Variants in STYX observed in about 807,000 individuals in gnomAD.
The protein encoded by STYX is serine/threonine/tyrosine interacting protein.
STYX carries 20 observed loss-of-function variants against 42.7 expected under a neutral mutation model. The ratio of observed to expected loss-of-function variants is 0.47; its 90% CI spans 0.33 to 0.68. The LOEUF is 0.68. STYX is among the 30% of genes least tolerant of loss of function. STYX has a pLI of 0.02. For synonymous variants in STYX, 78 were observed against 81.9 expected (o/e 0.95, Z 0.26); for missense variants, 226 against 268.5 (o/e 0.84, Z 1.11).
At chr14:52,732,086 T>G (rs573763697) in intron 1 of STYX, among the ~76,000 whole-genome samples, 1 of 130,492 alleles carries the variant, frequency 7.7e-6, no homozygotes, top group Non-Finnish European at 1.6e-5. Context: ...AAGAATATAC[T>G]CATGGTTTTT....
chr14:52,730,674 G>A, intron 1 of STYX, 143 bp downstream of exon 1: 2 of 862,672 alleles, frequency 2.3e-6, no homozygotes, highest in Non-Finnish European at 3.5e-6. Context: ...GAAGCCGAGC[G>A]GTCGGCTCCA....
chr14:52,760,853 A>C (rs58317443), intron 9 of STYX, among the ~76,000 whole-genome samples: 1 of 151,552 alleles, frequency 6.6e-6, no homozygotes, highest in Non-Finnish European at 1.5e-5. Flanking sequence ...TAGGTTAGGT[A>C]TTTCGATACA....
intron 4 of STYX, 31 bp from the exon 5 acceptor site, chr14:52,756,520 G>A (rs1881872622): frequency 7.7e-7 from 1 of 1,299,502 alleles, no homozygotes; most frequent in Non-Finnish European, 1.1e-6. Flanking sequence ...TTTACTTAAA[G>A]TGTGCTTATC....
rs561480546 is a variant in STYX at position 52,761,820 on chromosome 14, G to A, written c.504+2066G>A. Among the ~76,000 whole-genome samples, 220 of 151,360 alleles carry A rather than the reference G, an allele frequency of 1.5e-3. 1 individual carries two copies. The highest frequency in any genetic ancestry group is 5.2e-3 in the African/African-American group (215 of 41,410). On this transcript the variant is annotated intron_variant, in intron 9 of 10. Transcript: ENST00000354586. The stretch of plus-strand genomic sequence containing the variant: ...AACACTTTGGGAGGCTGAGGTGGGT[G>A]GATCACCTGAGATCAGGAGTTTGAG...
chr14:52,753,047 A>ATT lies in STYX; in HGVS notation c.242+2288_242+2289dup, dbSNP rs959737468. ...AGGCATGTGCCACCACACCCAGCTAATTTTTTTTTTTTTTTTTTTTTTGGA... is the reference window on the plus strand; with the variant it reads ...AGGCATGTGCCACCACACCCAGCTAATTTTTTTTTTTTTTTTTTTTTTTTGGA... On this transcript the variant is annotated intron_variant, in intron 4 of 10. Coordinates refer to ENST00000354586, the MANE Select transcript of STYX (RefSeq NM_145251.4). 6.7e-3 allele frequency among the ~76,000 whole-genome samples: 592 copies of ATT among 88,588 alleles called. 2 individuals carry two copies. Among genetic ancestry groups the ATT allele is most frequent in the East Asian group, 0.012 (39 of 3,274 alleles). 58.1% of individuals were successfully genotyped at this position (88,588 alleles called of 152,430 possible). A position where few individuals can be genotyped will look rare whatever the true frequency, so the allele number is the denominator to read the frequency against.
In STYX at chr14:52,771,196, G is replaced by T; in HGVS notation, c.*90G>T. 7.9e-7 allele frequency: 1 copy of T among 1,271,728 alleles called. No individual in the cohort carries two copies. The highest frequency in any genetic ancestry group is 1.1e-6 in the Non-Finnish European group (1 of 916,712). The allele number at this position is 1,271,728 out of a possible 1,614,324, so 78.8% of individuals were successfully genotyped here. ...ATAATGTAAAATGGTAAAAACATAA[G>T]TAGTTTTTTTTTCAATTACATGTTG... is the stretch of plus-strand genomic sequence containing the variant. On this transcript the variant is annotated 3_prime_UTR_variant, in exon 11 of 11. Coordinates refer to ENST00000354586, the MANE Select transcript of STYX (RefSeq NM_145251.4).
rs1882315593 is a variant in STYX, at chr14:52,766,742, G to GTTTCTT, written c.505-2088_505-2083dup. ...GTGTATTTACCCTTTTGGTTGTTCT[G>GTTTCTT]TTTCTTTTTCTTTTTAGTATACCCC... is the stretch of plus-strand genomic sequence containing the variant. On this transcript the variant is annotated intron_variant, in intron 9 of 10. Coordinates refer to ENST00000354586, the MANE Select transcript of STYX (RefSeq NM_145251.4). Among the ~76,000 whole-genome samples, 3 of 151,362 alleles carry GTTTCTT rather than the reference G, an allele frequency of 2.0e-5. No homozygotes were observed. The South Asian group carries it at 6.2e-4, about 32-fold the overall frequency.
Position 52,771,110 on chromosome 14 carries a change from G to A in STYX, c.*4G>A, listed in dbSNP as rs758462659. On this transcript the variant is annotated 3_prime_UTR_variant, in exon 11 of 11. Transcript: ENST00000354586. ...GGCGACTGCACAGAATGGCTGACTT[G>A]AAGAGCAACATCATAGAGTGTGAAT... 21 of 1,607,838 alleles carry A rather than the reference G, an allele frequency of 1.3e-5. No homozygotes were observed. In the East Asian group the frequency reaches 4.7e-4, roughly 36 times the overall value.
At chr14:52,751,636 T>C (rs1348644868) in intron 4 of STYX, among the ~76,000 whole-genome samples, 2 of 152,220 alleles carry the variant, frequency 1.3e-5, no homozygotes, top group East Asian at 3.8e-4. Context: ...AAATGGTATC[T>C]CATTTGATGT....
chr14:52,748,438 C>G (rs183512795), intron 3 of STYX, among the ~76,000 whole-genome samples: 1 of 152,220 alleles, frequency 6.6e-6, no homozygotes, highest in African/African-American at 2.4e-5. Context: ...CTATGCTGGC[C>G]ACATTTACTT....
At position 52,772,918 on chromosome 14, in the gene STYX, C is replaced by T. The variant is rs973824640; in HGVS notation, c.*1812C>T. The T allele has an allele frequency of 1.3e-5, 2 of 151,832 alleles. No homozygotes were observed. Among genetic ancestry groups the T allele is most frequent in the Non-Finnish European group, 2.9e-5 (2 of 67,972 alleles). 9.4% of individuals were successfully genotyped at this position (151,832 alleles called of 1,614,324 possible). A position where few individuals can be genotyped will look rare whatever the true frequency, so the allele number is the denominator to read the frequency against. On this transcript the variant is annotated 3_prime_UTR_variant, in exon 11 of 11. Transcript: ENST00000354586. Reference sequence around the variant, plus strand: ...TTGATGTACAGTGGTCTAGTGGAGTCAAGATTCGCATTGGGTTTTCTAAAA... The same window carrying T: ...TTGATGTACAGTGGTCTAGTGGAGTTAAGATTCGCATTGGGTTTTCTAAAA...
intron 5 of STYX, 110 bp downstream of exon 5, chr14:52,756,721 C>CTTG (rs1422800850): frequency 1.7e-4 from 65 of 393,516 alleles, no homozygotes; most frequent in Admixed American, 3.0e-4. Flanking sequence ...GAGTTTTACT[C>CTTG]TTGTTGCCCA....
intron 4 of STYX, among the ~76,000 whole-genome samples, chr14:52,751,888 C>A (rs1881626147): frequency 6.6e-6 from 1 of 152,122 alleles, no homozygotes. Context: ...TTTAGGCCAG[C>A]ACGGTGGCTC....
Position 52,773,128 on chromosome 14 carries a change from A to G in STYX, c.*2022A>G, listed in dbSNP as rs1882578298. On this transcript the variant is annotated 3_prime_UTR_variant, in exon 11 of 11. Transcript: ENST00000354586. ...AAAAACTTGTTTCATAAATATACATATATCCTCTCTAGTAGTCTGGCCAAA... is the reference window on the plus strand; with the variant it reads ...AAAAACTTGTTTCATAAATATACATGTATCCTCTCTAGTAGTCTGGCCAAA... 1 of 152,092 alleles carries G rather than the reference A, an allele frequency of 6.6e-6. No individual in the cohort carries two copies. The highest frequency in any genetic ancestry group is 2.4e-5 in the African/African-American group (1 of 41,422). The allele number at this position is 152,092 out of a possible 1,614,324, so 9.4% of individuals were successfully genotyped here. A position where few individuals can be genotyped will look rare whatever the true frequency, so the allele number is the denominator to read the frequency against.
chr14:52,733,283 T>C (rs912195903), intron 1 of STYX, among the ~76,000 whole-genome samples: 4 of 152,228 alleles, frequency 2.6e-5, no homozygotes, highest in Admixed American at 6.5e-5. Flanking sequence ...GCAAAACTGA[T>C]AAATTCTTGC....
intron 4 of STYX, 39 bp from the exon 5 acceptor site, chr14:52,756,512 T>C: frequency 2.5e-6 from 3 of 1,186,622 alleles, no homozygotes; most frequent in Non-Finnish European, 3.6e-6. Context: ...TTAAGTGTTT[T>C]ACTTAAAGTG....
At position 52,771,376 on chromosome 14, in the gene STYX, G is replaced by T; in HGVS notation, c.*270G>T. The T allele has an allele frequency of 3.4e-6, 1 of 291,740 alleles. No homozygotes were observed. Among genetic ancestry groups the T allele is most frequent in the Non-Finnish European group, 6.3e-6 (1 of 158,690 alleles). 18.1% of individuals were successfully genotyped at this position (291,740 alleles called of 1,614,324 possible). On this transcript the variant is annotated 3_prime_UTR_variant, in exon 11 of 11. Transcript: ENST00000354586. ...AGTTTTATTATAAACCAAGAATTTT[G>T]GACTTGCAAAGAGGTATTATTGCAA...
chr14:52,748,770 A>G (rs1180663193), intron 3 of STYX, among the ~76,000 whole-genome samples: 1 of 152,232 alleles, frequency 6.6e-6, no homozygotes, highest in Admixed American at 6.5e-5. Flanking sequence ...TCTCACATTC[A>G]TAAAGTAGAT....
chr14:52,752,282 C>G (rs1352047040), intron 4 of STYX, among the ~76,000 whole-genome samples: 2 of 151,046 alleles, frequency 1.3e-5, no homozygotes, highest in African/African-American at 2.4e-5. Flanking sequence ...CTGGCCAACA[C>G]AGTGAGACCC....
Sources: allele counts gnomAD v4.1 joint callset (sites outside exome capture counted in the v4.1 genomes callset), GRCh38; gene constraint gnomAD v4.1.1; transcripts MANE v1.5; gene names NCBI Gene and HGNC (gene_info 2026-07-23, HGNC 2026-07-21).